The following KCND3 variants were observed in gnomAD, a reference collection of about 807,000 sequenced individuals.
KCND3 encodes potassium voltage-gated channel subfamily D member 3.
In KCND3, 9 loss-of-function variants were observed where a neutral mutation model predicts 51.1. The observed-to-expected ratio is 0.18, with a 90% CI of 0.11 to 0.31. The LOEUF (loss-of-function observed/expected upper bound fraction) is 0.31, where lower values mean the gene tolerates loss of function less well. Ranked by LOEUF, KCND3 falls within the 10% of genes least tolerant of loss-of-function variation. KCND3 has a pLI of 1.00. For synonymous variants in KCND3, 349 were observed against 368.0 expected (o/e 0.95, Z 0.59); for missense variants, 526 against 903.8 (o/e 0.58, Z 5.36).
chr1:111,797,690 T>C (rs1217917263), intron 2 of KCND3, among the ~76,000 whole-genome samples: 1 of 152,178 alleles, frequency 6.6e-6, no homozygotes, highest in African/African-American at 2.4e-5. Flanking sequence ...GCAGAAGCAC[T>C]GGCTGACTTC....
At chr1:111,778,051 A>C (rs766125439) in intron 6 of KCND3, among the ~76,000 whole-genome samples, 4 of 152,190 alleles carry the variant, frequency 2.6e-5, no homozygotes, top group Non-Finnish European at 4.4e-5. Flanking sequence ...AGTGAGGAGA[A>C]AGTCTGAAGA....
chr1:111,948,745 T>C (rs1672912896), intron 2 of KCND3, among the ~76,000 whole-genome samples: 1 of 151,830 alleles, frequency 6.6e-6, no homozygotes, highest in Non-Finnish European at 1.5e-5. Flanking sequence ...CTGGGCAAGA[T>C]CCTCTTATCA....
chr1:111,877,490 A>G (rs981165051), intron 2 of KCND3, among the ~76,000 whole-genome samples: 3 of 152,206 alleles, frequency 2.0e-5, no homozygotes, highest in Non-Finnish European at 2.9e-5. Context: ...CACTTCCTAC[A>G]TGGCCATATC....
chr1:111,918,061 A>G (rs181820190), intron 2 of KCND3, among the ~76,000 whole-genome samples: 2 of 152,316 alleles, frequency 1.3e-5, no homozygotes, highest in East Asian at 3.9e-4. Context: ...AGAAGACTAA[A>G]ACTTAAAATA....
chr1:111,776,140 G>A lies in KCND3; in HGVS notation c.1905C>T (p.Ser635=), dbSNP rs770747636. The A allele has an allele frequency of 6.2e-7, 1 of 1,614,116 alleles. No individual in the cohort carries two copies. The highest frequency in any genetic ancestry group is 1.1e-5 in the South Asian group (1 of 91,082). ...PEGESRPPPA[S]PGPNTNIPSI... ...AAGGAATGTTCGTGTTGGGGCCTGG[G>A]CTGGCAGGGGGTGGCCGACTTTCCC... The change falls in exon 8 of 8, where the codon AGC becomes AGT. Residue 635 remains serine, a synonymous_variant. Transcript: ENST00000302127.
In KCND3 at chr1:111,775,807, G is replaced by C; in HGVS notation, c.*270C>G. 3 of 365,110 alleles carry C rather than the reference G, an allele frequency of 8.2e-6. No individual in the cohort carries two copies. The highest frequency in any genetic ancestry group is 1.1e-5 in the Non-Finnish European group (2 of 186,728). The allele number at this position is 365,110 out of a possible 1,614,324, so 22.6% of individuals were successfully genotyped here. A position where few individuals can be genotyped will look rare whatever the true frequency, so the allele number is the denominator to read the frequency against. ...TCCTGGCACATAGCCTATATCCCCC[G>C]GCCTATCCCCGACCCCCCCACCCTC... On this transcript the variant is annotated 3_prime_UTR_variant, in exon 8 of 8. Transcript: ENST00000302127.
At chr1:111,825,020 G>A (rs1666512916) in intron 2 of KCND3, among the ~76,000 whole-genome samples, 1 of 152,154 alleles carries the variant, frequency 6.6e-6, no homozygotes. Context: ...TGACATTTCA[G>A]TAACAGTGTT....
intron 2 of KCND3, among the ~76,000 whole-genome samples, chr1:111,854,332 A>G (rs1190639602): frequency 6.6e-6 from 1 of 152,250 alleles, no homozygotes; most frequent in Non-Finnish European, 1.5e-5. Context: ...CTGTGTTTTA[A>G]TTTGTGAAAT....
At chr1:111,873,886 C>T (rs965110140) in intron 2 of KCND3, among the ~76,000 whole-genome samples, 31 of 151,500 alleles carry the variant, frequency 2.0e-4, no homozygotes, top group African/African-American at 6.5e-4. Context: ...CAGGGGAGAA[C>T]GGAGAATGAT....
intron 2 of KCND3, among the ~76,000 whole-genome samples, chr1:111,932,267 G>A (rs889652055): frequency 2.0e-5 from 3 of 152,148 alleles, no homozygotes; most frequent in African/African-American, 7.2e-5. Flanking sequence ...ATATCCACGG[G>A]AGCAGGGGAT....
intron 2 of KCND3, among the ~76,000 whole-genome samples, chr1:111,943,548 G>A (rs1672632248): frequency 6.6e-6 from 1 of 152,210 alleles, no homozygotes; most frequent in Admixed American, 6.5e-5. Flanking sequence ...TAGAACCTAA[G>A]TCTCCTGATG....
At chr1:111,960,733 T>A (rs1294126719) in intron 2 of KCND3, among the ~76,000 whole-genome samples, 1 of 152,234 alleles carries the variant, frequency 6.6e-6, no homozygotes, top group Non-Finnish European at 1.5e-5. Context: ...GGGGGAACAC[T>A]TTCTCTCCAA....
intron 2 of KCND3, among the ~76,000 whole-genome samples, chr1:111,851,796 G>A (rs763866254): frequency 9.2e-5 from 14 of 152,204 alleles, no homozygotes; most frequent in Non-Finnish European, 1.8e-4. Context: ...TGAGGCGGCC[G>A]TGGCTATGGA....
At chr1:111,827,634 A>C (rs1260000433) in intron 2 of KCND3, among the ~76,000 whole-genome samples, 1 of 152,194 alleles carries the variant, frequency 6.6e-6, no homozygotes, top group Non-Finnish European at 1.5e-5. Context: ...CAATCCTATG[A>C]GGCTGGTACT....
At chr1:111,821,081 A>C (rs1666326619) in intron 2 of KCND3, among the ~76,000 whole-genome samples, 1 of 152,222 alleles carries the variant, frequency 6.6e-6, no homozygotes, top group African/African-American at 2.4e-5. Flanking sequence ...CTAAGACACG[A>C]GTATGCTCTT....
chr1:111,982,582 G>A lies in KCND3; in HGVS notation c.145C>T (p.Arg49Trp), dbSNP rs1271251092. 1 of 1,612,762 alleles carries A rather than the reference G, an allele frequency of 6.2e-7. No individual in the cohort carries two copies. Among genetic ancestry groups the A allele is most frequent in the Non-Finnish European group, 8.5e-7 (1 of 1,178,978 alleles). Residue 49 changes from arginine (R) to tryptophan (W), a missense_variant, in exon 2 of 8, where the codon CGG becomes TGG. Transcript: ENST00000302127. This position sits in a 1 kb window ranked among gnomAD's most constrained non-coding sequence, Gnocchi z 8.5. ...DELIVLNVSG[R>W]RFQTWRTTLE... Reference sequence around the variant, plus strand: ...GTGGTCCTCCAGGTCTGGAACCTCCGCCCACTCACGTTGAGGACAATCAGC... The same window carrying A: ...GTGGTCCTCCAGGTCTGGAACCTCCACCCACTCACGTTGAGGACAATCAGC...
intron 2 of KCND3, among the ~76,000 whole-genome samples, chr1:111,956,864 G>T (rs948378301): frequency 2.0e-5 from 3 of 152,200 alleles, no homozygotes; most frequent in African/African-American, 7.2e-5. Flanking sequence ...TATACCAGTA[G>T]GGAAACTGAG....
At chr1:111,973,694 T>C (rs2101969098) in intron 2 of KCND3, among the ~76,000 whole-genome samples, 1 of 152,386 alleles carries the variant, frequency 6.6e-6, no homozygotes, top group East Asian at 1.9e-4. Flanking sequence ...ACATTTCTTG[T>C]GTCAGGGAGC....
intron 2 of KCND3, among the ~76,000 whole-genome samples, chr1:111,791,037 G>T (rs1031768547): frequency 3.3e-5 from 5 of 152,208 alleles, no homozygotes; most frequent in Non-Finnish European, 1.5e-5. Flanking sequence ...GAACATTTGT[G>T]TACAAGTTTT....
Sources: gnomAD v4.1 joint callset for allele counts (sites outside exome capture counted in the v4.1 genomes callset) on GRCh38, gnomAD v4.1.1 for gene constraint, Gnocchi (gnomAD v3.1) non-coding constraint, MANE v1.5 for transcripts, NCBI Gene and HGNC (gene_info 2026-07-23, HGNC 2026-07-21) for gene names.